The following USP35 variants were observed in gnomAD, a reference collection of about 807,000 sequenced individuals.
USP35 encodes the protein ubiquitin specific peptidase 35, also known as ubiquitin carboxyl-terminal hydrolase 35.
In USP35, 69 loss-of-function variants were observed where a neutral mutation model predicts 83.8. The observed-to-expected ratio is 0.82, with a 90% CI of 0.68 to 1.01. The LOEUF (loss-of-function observed/expected upper bound fraction) is 1.01, where lower values mean the gene tolerates loss of function less well. USP35 is among the 50% of genes least tolerant of loss of function. The probability of loss-of-function intolerance (pLI) is 0.00; values close to 1 mark genes in which losing one functional copy is unlikely to be tolerated. For synonymous variants in USP35, 714 were observed against 589.5 expected (o/e 1.21, Z -3.06); for missense variants, 1,503 against 1,362.5 (o/e 1.10, Z -1.62).
chr11:78,226,437 CTGAG>C, the USP35 span: 1 of 1,553,600 alleles, frequency 6.4e-7, no homozygotes, highest in Non-Finnish European at 8.9e-7. Flanking sequence ...CCTCCTCCCT[CTGAG>C]TCTCAGCTAG....
chr11:78,231,516 A>G, the USP35 span, among the ~76,000 whole-genome samples: 1 of 152,070 alleles, frequency 6.6e-6, no homozygotes, highest in African/African-American at 2.4e-5. Flanking sequence ...CACCTGGCTA[A>G]TTTTTGTATA....
rs1454605176 is a variant in USP35 at position 78,196,173 on chromosome 11, T to C, written c.-10-63T>C. On this transcript the variant is annotated intron_variant, in intron 1 of 10. Transcript: ENST00000529308. The surrounding 1 kb of genome is among the most constrained non-coding windows in gnomAD (Gnocchi z 4.8). ...GCCCTAAGTCTCAGCACTCGGGGAC[T>C]GCACCGGGAACTCTTGAGCCCCGCG... The C allele has an allele frequency of 2.1e-5, 32 of 1,500,772 alleles. No homozygotes were observed. The highest frequency in any genetic ancestry group is 3.5e-4 in the Middle Eastern group (2 of 5,642). The allele number at this position is 1,500,772 out of a possible 1,614,324, so 93.0% of individuals were successfully genotyped here.
chr11:78,205,608 T>C (rs1442384074), intron 6 of USP35, among the ~76,000 whole-genome samples: 1 of 152,150 alleles, frequency 6.6e-6, no homozygotes, highest in Admixed American at 6.5e-5. Context: ...AAAATGGGAA[T>C]TATGCCACCT....
Position 78,198,027 on chromosome 11 carries a change from T to A in USP35, c.765T>A (p.Asp255Glu). The A allele has an allele frequency of 6.2e-7, 1 of 1,614,218 alleles. No homozygotes were observed. Among genetic ancestry groups the A allele is most frequent in the Non-Finnish European group, 8.5e-7 (1 of 1,180,028 alleles). Residue 255 changes from aspartate to glutamate, a missense_variant, in exon 3 of 11, where the codon GAT becomes GAA. Transcript: ENST00000529308. ...GTGTTGTCCGGAACCTCAGCAATGA[T>A]GACAGTGTGACAGACTCGCAGATGC... Reference protein sequence around the residue: ...MDGVVRNLSNDDSVTDSQMLT... With the variant: ...MDGVVRNLSNEDSVTDSQMLT...
chr11:78,205,998 G>T lies in USP35; in HGVS notation c.1354G>T (p.Val452Phe), dbSNP rs1397390309. 1.2e-6 allele frequency: 2 copies of T among 1,614,242 alleles called. No individual in the cohort carries two copies. The highest frequency in any genetic ancestry group is 1.7e-6 in the Non-Finnish European group (2 of 1,180,028). Reference protein sequence around the residue: ...GLINLGNTCYVNSILQALFMA... With the variant: ...GLINLGNTCYFNSILQALFMA... ...CATCAACCTGGGCAACACATGCTATGTCAACAGCATCCTTCAGGCCTTATT... is the reference window on the plus strand; with the variant it reads ...CATCAACCTGGGCAACACATGCTATTTCAACAGCATCCTTCAGGCCTTATT... The change falls in exon 7 of 11, where the codon GTC becomes TTC. Residue 452 changes from valine (V) to phenylalanine (F), a missense_variant. Physicochemically the swap from Val to Phe is conservative, Grantham distance 50. Coordinates refer to ENST00000529308, the MANE Select transcript of USP35 (RefSeq NM_020798.4).
At chr11:78,220,725 A>C in the USP35 span, among the ~76,000 whole-genome samples, 1 of 152,182 alleles carries the variant, frequency 6.6e-6, no homozygotes, top group Non-Finnish European at 1.5e-5. Context: ...AGTGATGGGA[A>C]TCAGGTCTGT....
rs745889804 is a variant in USP35 at position 78,210,030 on chromosome 11, G to T, written c.2175G>T (p.Lys725Asn). 13 of 1,613,818 alleles carry T rather than the reference G, an allele frequency of 8.1e-6. No homozygotes were observed. Among genetic ancestry groups the T allele is most frequent in the Non-Finnish European group, 1.1e-5 (13 of 1,179,892 alleles). ...AGAAGGTGGAGAAGGAGACAGAAAAGGAGGCTGAGCAGGAAAAGGAAGAAG... is the reference window on the plus strand; with the variant it reads ...AGAAGGTGGAGAAGGAGACAGAAAATGAGGCTGAGCAGGAAAAGGAAGAAG... ...EEEKVEKETE[K>N]EAEQEKEEDS... is the part of the protein sequence containing the mutation. The change falls in exon 10 of 11, where the codon AAG becomes AAT. Residue 725 changes from lysine (K) to asparagine (N), a missense_variant. Transcript: ENST00000529308.
chr11:78,220,182 G>A, downstream of USP35: 1 of 814,902 alleles, frequency 1.2e-6, no homozygotes, highest in Non-Finnish European at 2.0e-6. Flanking sequence ...GACTAAAGAT[G>A]CATCATAAAA....
At chr11:78,200,595 C>G in intron 5 of USP35, 55 bp from the exon 6 acceptor site, 1 of 1,554,036 alleles carries the variant, frequency 6.4e-7, no homozygotes, top group South Asian at 1.2e-5. Context: ...GACCACAGCC[C>G]CGTGTCTCAG....
At chr11:78,221,686 A>G in the USP35 span, 1 of 1,609,742 alleles carries the variant, frequency 6.2e-7, no homozygotes, top group Non-Finnish European at 8.5e-7. Flanking sequence ...CCATAGGGAC[A>G]TAGTTCTCTT....
At chr11:78,232,726 A>C in the USP35 span, among the ~76,000 whole-genome samples, 2 of 152,330 alleles carry the variant, frequency 1.3e-5, no homozygotes, top group African/African-American at 2.4e-5. Context: ...GTATCTTTAC[A>C]ATCAGGTTCC....
downstream of USP35, chr11:78,217,416 C>T (rs1187061845): frequency 6.6e-6 from 1 of 152,148 alleles, no homozygotes; most frequent in African/African-American, 2.4e-5. Flanking sequence ...TAACTTCTTC[C>T]AGGATGGGAC....
the USP35 span, among the ~76,000 whole-genome samples, chr11:78,232,282 A>G: frequency 2.6e-5 from 4 of 152,188 alleles, no homozygotes; most frequent in Non-Finnish European, 2.9e-5. Flanking sequence ...AATCTCACCA[A>G]TGAAATTTCA....
At chr11:78,215,892 C>T (rs1864114104), downstream of USP35, 2 of 152,690 alleles carry the variant, frequency 1.3e-5, no homozygotes, top group African/African-American at 4.8e-5. Context: ...GAGATGTCCC[C>T]ATGGGAGAAG....
At chr11:78,216,396 G>C (rs1313465232), downstream of USP35, 1 of 152,218 alleles carries the variant, frequency 6.6e-6, no homozygotes, top group Non-Finnish European at 1.5e-5. Flanking sequence ...CAAAGGACCA[G>C]TTTTTTCAAC....
the USP35 span, chr11:78,221,982 G>T: frequency 1.3e-6 from 1 of 740,772 alleles, no homozygotes; most frequent in Non-Finnish European, 2.4e-6. Context: ...ATCGAGACAT[G>T]ATCAGCTAAT....
chr11:78,208,509 GGGAAGATGACAT>G (rs1286286916), intron 8 of USP35, among the ~76,000 whole-genome samples: 2 of 152,174 alleles, frequency 1.3e-5, no homozygotes, highest in African/African-American at 4.8e-5. Flanking sequence ...AGGGAGGGTT[GGGAAGATGACAT>G]GGAAGAGGCA....
intron 6 of USP35, among the ~76,000 whole-genome samples, chr11:78,203,826 T>C (rs116739539): frequency 0.014 from 2,042 of 151,228 alleles, 40 homozygotes; most frequent in African/African-American, 0.047. Context: ...GATCCAGCCA[T>C]CTCGACTTCC....
At chr11:78,227,152 C>G in the USP35 span, 2 of 758,892 alleles carry the variant, frequency 2.6e-6, no homozygotes, top group Admixed American at 4.3e-5. Flanking sequence ...GTTTAGGCAT[C>G]TGTAAAATGG....
Sources: gnomAD v4.1 joint callset for allele counts (sites outside exome capture counted in the v4.1 genomes callset) on GRCh38, gnomAD v4.1.1 for gene constraint, Gnocchi (gnomAD v3.1) non-coding constraint, MANE v1.5 for transcripts, NCBI Gene and HGNC (gene_info 2026-07-23, HGNC 2026-07-21) for gene names.